Variants in CUBN observed in about 807,000 individuals in gnomAD.
CUBN encodes cubilin.
Under a neutral mutation model 405.3 loss-of-function variants are expected in CUBN, and 282 were observed. That is an observed-to-expected ratio of 0.70 (90% CI 0.63 to 0.77). The LOEUF (loss-of-function observed/expected upper bound fraction) is 0.77. CUBN is among the 30% of genes least tolerant of loss of function. CUBN has a pLI of 0.00. For missense variants in CUBN, 4,514 were observed against 4,475.2 expected, an observed-to-expected ratio of 1.01 and a Z score of -0.25; for synonymous variants, 1,684 against 1,617.0, an observed-to-expected ratio of 1.04 and a Z score of -0.99.
intron 59 of CUBN, among the ~76,000 whole-genome samples, chr10:16,855,045 TTCCCC>T (rs1204477451): frequency 8.5e-6 from 1 of 118,134 alleles, no homozygotes; most frequent in African/African-American, 3.3e-5. Flanking sequence ...TCTATCTCTC[TTCCCC>T]TCCCCTCCCC....
chr10:16,897,554 G>A (rs1841221794), intron 54 of CUBN, among the ~76,000 whole-genome samples: 1 of 152,142 alleles, frequency 6.6e-6, no homozygotes, highest in Admixed American at 6.5e-5. Flanking sequence ...GAGCAGGTCT[G>A]GCCTGTGGGG....
chr10:17,047,648 ATATGTT>A, intron 22 of CUBN, 45 bp from the exon 23 acceptor site: 1 of 1,514,834 alleles, frequency 6.6e-7, no homozygotes, highest in African/African-American at 1.4e-5. Flanking sequence ...GAAAATATTG[ATATGTT>A]TATAATACAT....
chr10:17,031,640 C>A (rs1834791336), intron 27 of CUBN, among the ~76,000 whole-genome samples: 1 of 152,222 alleles, frequency 6.6e-6, no homozygotes, highest in East Asian at 1.9e-4. Context: ...ACATCTTTGT[C>A]ATTAGCATCC....
chr10:16,942,863 A>AAGGGAAGGGAAG (rs1564437989), intron 36 of CUBN, among the ~76,000 whole-genome samples: 2 of 129,740 alleles, frequency 1.5e-5, no homozygotes, highest in African/African-American at 3.0e-5. Context: ...GGGAAGGGAA[A>AAGGGAAGGGAAG]GGAAGGGAAG....
chr10:16,938,249 TAA>T (rs1842571487), intron 38 of CUBN, among the ~76,000 whole-genome samples: 1 of 152,114 alleles, frequency 6.6e-6, no homozygotes, highest in South Asian at 2.1e-4. Context: ...AAAGAAGAAT[TAA>T]TGACAACAAA....
chr10:16,974,593 G>A (rs948193109), intron 31 of CUBN, among the ~76,000 whole-genome samples: 5 of 152,016 alleles, frequency 3.3e-5, no homozygotes, highest in Non-Finnish European at 5.9e-5. Context: ...GGATGGTCTC[G>A]ATCTCCTGAC....
chr10:16,984,480 C>G (rs545459425), intron 29 of CUBN, among the ~76,000 whole-genome samples: 1 of 152,176 alleles, frequency 6.6e-6, no homozygotes, highest in African/African-American at 2.4e-5. Flanking sequence ...CACACAAGTT[C>G]AATCACCCAT....
chr10:16,882,564 A>G (rs1489222359), intron 56 of CUBN, among the ~76,000 whole-genome samples: 1 of 152,232 alleles, frequency 6.6e-6, no homozygotes, highest in Non-Finnish European at 1.5e-5. Context: ...CACAAATAGA[A>G]TAAACTTGTG....
chr10:16,961,735 G>A (rs1237993638), intron 31 of CUBN, among the ~76,000 whole-genome samples: 13 of 121,272 alleles, frequency 1.1e-4, no homozygotes, highest in Admixed American at 3.1e-4. Context: ...TTTTTGAGAC[G>A]GAGTCTCGCT....
chr10:16,992,730 G>A (rs1369496428), intron 28 of CUBN, among the ~76,000 whole-genome samples: 2 of 152,102 alleles, frequency 1.3e-5, no homozygotes, highest in Non-Finnish European at 2.9e-5. Context: ...AAACCTCTGC[G>A]TTTTCAGACT....
chr10:16,944,546 T>A (rs1842730400), intron 36 of CUBN, among the ~76,000 whole-genome samples: 2 of 152,196 alleles, frequency 1.3e-5, no homozygotes, highest in South Asian at 4.1e-4. Flanking sequence ...CAAGCATCCA[T>A]CTGGATAGAA....
chr10:16,836,060 C>A (rs1200502652), intron 63 of CUBN, among the ~76,000 whole-genome samples, 175 bp downstream of exon 63: 1 of 152,138 alleles, frequency 6.6e-6, no homozygotes, highest in Admixed American at 6.5e-5. Context: ...CTTTAGAAAC[C>A]AACTGTAGTA....
At chr10:16,967,845 GAGGGA>G (rs1843439161) in intron 31 of CUBN, among the ~76,000 whole-genome samples, 1 of 70,904 alleles carries the variant, frequency 1.4e-5, no homozygotes, top group African/African-American at 4.4e-5. Context: ...AGGAGAGACA[GAGGGA>G]GAGAGAGAGA....
chr10:16,978,434 G>A lies in CUBN; in HGVS notation c.4695+4050C>T, dbSNP rs147030248. ...TCAGGAGAGTAGCTGGATGTTCTAC[G>A]CTTTCAGTCTGCATGATGCTTAGCC... is the stretch of plus-strand genomic sequence containing the variant. On this transcript the variant is annotated intron_variant, in intron 31 of 66. Coordinates refer to ENST00000377833, the MANE Select transcript of CUBN (RefSeq NM_001081.4). Among the ~76,000 whole-genome samples, 457 of 152,310 alleles carry A rather than the reference G, an allele frequency of 3.0e-3. 4 individuals carry two copies. Among genetic ancestry groups the A allele is most frequent in the African/African-American group, 0.011 (446 of 41,578 alleles).
intron 41 of CUBN, among the ~76,000 whole-genome samples, chr10:16,926,294 G>C (rs1347910177): frequency 6.6e-6 from 1 of 152,170 alleles, no homozygotes; most frequent in African/African-American, 2.4e-5. Context: ...ATGGAAGTCA[G>C]AATGGATGAG....
At chr10:17,073,045 C>A (rs1225617544) in intron 17 of CUBN, among the ~76,000 whole-genome samples, 1 of 152,042 alleles carries the variant, frequency 6.6e-6, no homozygotes, top group East Asian at 1.9e-4. Flanking sequence ...AGAGATAATT[C>A]CCATGTATAA....
At chr10:16,997,464 G>T (rs1434105198) in intron 28 of CUBN, among the ~76,000 whole-genome samples, 1 of 151,134 alleles carries the variant, frequency 6.6e-6, no homozygotes, top group Non-Finnish European at 1.5e-5. Flanking sequence ...GCTTGTGGAG[G>T]AAGGGAGGAC....
At chr10:16,897,363 A>G (rs558941632) in intron 54 of CUBN, among the ~76,000 whole-genome samples, 110 of 152,336 alleles carry the variant, frequency 7.2e-4, no homozygotes, top group African/African-American at 2.6e-3. Flanking sequence ...GCTCTTCAAT[A>G]TTCAGAATCT....
At position 16,855,501 on chromosome 10, in the gene CUBN, A is replaced by T. The variant is rs868256363; in HGVS notation, c.9455-4058T>A. Among the ~76,000 whole-genome samples the T allele has an allele frequency of 9.9e-5, 15 of 152,230 alleles. No homozygotes were observed. In the South Asian group the frequency reaches 3.1e-3, roughly 32 times the overall value. ...AACTGCTGGTTCAAAGAAAAAGTGGATTCATGTGGAGCAGACTTGAACCCA... is the reference window on the plus strand; with the variant it reads ...AACTGCTGGTTCAAAGAAAAAGTGGTTTCATGTGGAGCAGACTTGAACCCA... On this transcript the variant is annotated intron_variant, in intron 59 of 66. Coordinates refer to ENST00000377833, the MANE Select transcript of CUBN (RefSeq NM_001081.4).
Sources: gnomAD v4.1 joint callset for allele counts (sites outside exome capture counted in the v4.1 genomes callset) on GRCh38, gnomAD v4.1.1 for gene constraint, MANE v1.5 for transcripts, NCBI Gene and HGNC (gene_info 2026-07-23, HGNC 2026-07-21) for gene names.